The following PDE11A variants were observed in gnomAD, a reference collection of about 807,000 sequenced individuals.
PDE11A encodes the protein phosphodiesterase 11A.
In PDE11A, 100 loss-of-function variants were observed where a neutral mutation model predicts 100.5. The observed-to-expected ratio is 1.00, with a 90% CI of 0.85 to 1.18. The LOEUF (loss-of-function observed/expected upper bound fraction) is 1.18, where lower values mean the gene tolerates loss of function less well. Ranked by LOEUF, PDE11A falls within the 50% of genes most tolerant of loss-of-function variation. The pLI, the probability that PDE11A is intolerant of heterozygous loss-of-function variation, is 0.00. For missense variants in PDE11A, 1,141 were observed against 1,152.6 expected (o/e 0.99, Z 0.15); for synonymous variants, 381 against 420.8 (o/e 0.91, Z 1.16).
At chr2:177,902,885 A>G (rs184639186) in intron 3 of PDE11A, among the ~76,000 whole-genome samples, 52 of 152,228 alleles carry the variant, frequency 3.4e-4, no homozygotes, top group Admixed American at 2.1e-3. Context: ...TTTGACTTCA[A>G]TACAGTTCTT....
Position 177,895,725 on chromosome 2 carries a change from G to A in PDE11A, c.1302+2333C>T, listed in dbSNP as rs536500046. On this transcript the variant is annotated intron_variant, in intron 4 of 19. Transcript: ENST00000286063. ...AAAGTTGAACTCATAGAAGAAAAAA[G>A]TAGAATGGTAGTTGCCAGAGGCTAA... Among the ~76,000 whole-genome samples the A allele has an allele frequency of 3.9e-5, 6 of 152,236 alleles. No individual in the cohort carries two copies. In the East Asian group the frequency reaches 1.2e-3, roughly 29 times the overall value.
chr2:178,087,215 T>C (rs1450606172), intron 2 of PDE11A, among the ~76,000 whole-genome samples: 2 of 151,940 alleles, frequency 1.3e-5, no homozygotes, highest in East Asian at 1.9e-4. Context: ...TAGCCAGGTG[T>C]GGTGGCAGGT....
intron 2 of PDE11A, among the ~76,000 whole-genome samples, chr2:178,102,428 G>GTTTTTTTTT (rs769341186): frequency 1.8e-5 from 1 of 55,364 alleles, no homozygotes; most frequent in Non-Finnish European, 3.1e-5. Flanking sequence ...CCTGGTCTAA[G>GTTTTTTTTT]TTTTTTTTTT....
At chr2:177,699,638 G>A (rs1404954145) in intron 14 of PDE11A, among the ~76,000 whole-genome samples, 2 of 152,190 alleles carry the variant, frequency 1.3e-5, no homozygotes, top group African/African-American at 4.8e-5. Flanking sequence ...GGAAAGACAT[G>A]CAGATCTGGA....
chr2:177,776,837 AC>A (rs1015470947), intron 9 of PDE11A, among the ~76,000 whole-genome samples: 5 of 152,236 alleles, frequency 3.3e-5, no homozygotes, highest in African/African-American at 1.2e-4. Flanking sequence ...TGTGTCCCCA[AC>A]CAAATCTCAT....
chr2:178,059,030 A>G (rs2086934168), intron 1 of PDE11A, among the ~76,000 whole-genome samples: 1 of 152,176 alleles, frequency 6.6e-6, no homozygotes, highest in South Asian at 2.1e-4. Context: ...AATGCACTAC[A>G]GTCATTATCT....
chr2:177,934,749 A>G (rs2085251122), intron 2 of PDE11A, among the ~76,000 whole-genome samples: 1 of 152,212 alleles, frequency 6.6e-6, no homozygotes, highest in African/African-American at 2.4e-5. Flanking sequence ...GCCCATCAAC[A>G]ATGGATCTGA....
At chr2:177,893,034 C>T (rs1311859244) in intron 4 of PDE11A, among the ~76,000 whole-genome samples, 1 of 152,106 alleles carries the variant, frequency 6.6e-6, no homozygotes, top group Non-Finnish European at 1.5e-5. Context: ...CTCTCCAATG[C>T]CCACCACCAC....
chr2:177,637,288 A>G (rs114924309), intron 19 of PDE11A, among the ~76,000 whole-genome samples: 90 of 152,194 alleles, frequency 5.9e-4, no homozygotes, highest in African/African-American at 2.1e-3. Flanking sequence ...TTCTGACTCT[A>G]ATGCATTGTG....
Position 178,059,625 on chromosome 2 carries a change from T to G in PDE11A, c.912+11901A>C, listed in dbSNP as rs181539901. 8.5e-5 allele frequency among the ~76,000 whole-genome samples: 13 copies of G among 152,308 alleles called. No individual in the cohort carries two copies. The East Asian group carries it at 2.5e-3, about 29-fold the overall frequency. On this transcript the variant is annotated intron_variant, in intron 1 of 19. Coordinates refer to ENST00000286063, the MANE Select transcript of PDE11A (RefSeq NM_016953.4). Reference sequence around the variant, plus strand: ...AACCCTCAGAGCTTAGAGGCAACAATCTCATTAGCAAATTTCCTACCTCCA... The same window carrying G: ...AACCCTCAGAGCTTAGAGGCAACAAGCTCATTAGCAAATTTCCTACCTCCA...
chr2:177,956,852 T>C (rs1158222867), intron 2 of PDE11A, among the ~76,000 whole-genome samples: 8 of 152,048 alleles, frequency 5.3e-5, no homozygotes, highest in Non-Finnish European at 1.0e-4. Context: ...TAGGTGGGAA[T>C]TGAACAATGA....
intron 9 of PDE11A, among the ~76,000 whole-genome samples, chr2:177,780,245 T>A (rs1349204979): frequency 1.3e-5 from 2 of 152,134 alleles, no homozygotes; most frequent in Non-Finnish European, 2.9e-5. Context: ...AGATTTAGCA[T>A]AATTCTTTTA....
chr2:177,875,383 A>G (rs2084215666), intron 5 of PDE11A, among the ~76,000 whole-genome samples: 1 of 151,324 alleles, frequency 6.6e-6, no homozygotes, highest in African/African-American at 2.4e-5. Flanking sequence ...ATTTATTTTT[A>G]TTTTATTTTT....
At chr2:178,001,670 G>A (rs2086146824) in intron 2 of PDE11A, among the ~76,000 whole-genome samples, 1 of 152,204 alleles carries the variant, frequency 6.6e-6, no homozygotes, top group African/African-American at 2.4e-5. Flanking sequence ...AAGCCCTGAA[G>A]TTGTTTAATC....
chr2:177,938,969 C>A (rs370488177), intron 2 of PDE11A, among the ~76,000 whole-genome samples: 89 of 152,274 alleles, frequency 5.8e-4, no homozygotes, highest in African/African-American at 2.0e-3. Flanking sequence ...TGGCCAGTGG[C>A]ACACCAAGGA....
At chr2:177,890,204 A>G (rs1257697261) in intron 4 of PDE11A, among the ~76,000 whole-genome samples, 2 of 152,188 alleles carry the variant, frequency 1.3e-5, no homozygotes, top group African/African-American at 4.8e-5. Flanking sequence ...TCTGGCCAAG[A>G]TAAGCAGCTG....
chr2:177,874,956 G>A (rs1233801187), intron 5 of PDE11A, among the ~76,000 whole-genome samples: 1 of 152,148 alleles, frequency 6.6e-6, no homozygotes, highest in Admixed American at 6.5e-5. Flanking sequence ...GGGCACAGTG[G>A]TTCGCACCTG....
chr2:177,675,579 C>T, intron 16 of PDE11A, 61 bp from the exon 17 acceptor site: 1 of 1,221,128 alleles, frequency 8.2e-7, no homozygotes, highest in Non-Finnish European at 1.2e-6. Flanking sequence ...CTAAACAAAC[C>T]CGTCCTAGAT....
At chr2:177,630,638 G>A (rs2079905065) in intron 19 of PDE11A, among the ~76,000 whole-genome samples, 2 of 152,076 alleles carry the variant, frequency 1.3e-5, no homozygotes, top group South Asian at 2.1e-4. Flanking sequence ...CTACTTTACT[G>A]ATTATTTTCT....
Sources: allele counts gnomAD v4.1 joint callset (sites outside exome capture counted in the v4.1 genomes callset), GRCh38; gene constraint gnomAD v4.1.1; transcripts MANE v1.5; gene names NCBI Gene and HGNC (gene_info 2026-07-23, HGNC 2026-07-21).